The following DLGAP2 variants were observed in gnomAD, a reference collection of about 807,000 sequenced individuals.
The protein encoded by DLGAP2 is disks large-associated protein 2.
In DLGAP2, 26 loss-of-function variants were observed where a neutral mutation model predicts 100.3. The ratio of observed to expected loss-of-function variants is 0.26; its 90% CI spans 0.19 to 0.36. The LOEUF (loss-of-function observed/expected upper bound fraction) is 0.36, where lower values mean the gene tolerates loss of function less well. Among genes scored for constraint, DLGAP2 ranks in the 10% least tolerant of loss-of-function variants. The pLI, the probability that DLGAP2 is intolerant of heterozygous loss-of-function variation, is 1.00. For missense variants in DLGAP2, 1,858 were observed against 1,453.2 expected (o/e 1.28, Z -4.53); for synonymous variants, 886 against 630.1 (o/e 1.41, Z -6.08).
Position 1,706,032 on chromosome 8 carries a change from G to A in DLGAP2, c.*4626G>A, listed in dbSNP as rs1168751101. The stretch of plus-strand genomic sequence containing the variant: ...TCAGCTCAGAGCCCATGGCTTCCCT[G>A]CAGGAGCCCCATCTTGTCGCTATTA... On this transcript the variant is annotated 3_prime_UTR_variant, in exon 15 of 15. Transcript: ENST00000637795. The A allele has an allele frequency of 6.6e-6, 1 of 152,214 alleles. No individual in the cohort carries two copies. Among genetic ancestry groups the A allele is most frequent in the East Asian group, 1.9e-4 (1 of 5,188 alleles). 9.4% of individuals were successfully genotyped at this position (152,214 alleles called of 1,614,324 possible).
At chr8:1,191,892 G>A (rs1797648100) in intron 2 of DLGAP2, among the ~76,000 whole-genome samples, 2 of 152,142 alleles carry the variant, frequency 1.3e-5, no homozygotes, top group South Asian at 2.1e-4. Flanking sequence ...TGGTGCAGTT[G>A]GCCCCTCTGA....
At chr8:1,561,353 C>T (rs549323097) in intron 5 of DLGAP2, among the ~76,000 whole-genome samples, 1 of 152,226 alleles carries the variant, frequency 6.6e-6, no homozygotes, top group South Asian at 2.1e-4. Flanking sequence ...TCTTTGAACA[C>T]GTGCAGACCT....
At chr8:1,537,335 T>A (rs975992247) in intron 4 of DLGAP2, among the ~76,000 whole-genome samples, 7 of 152,160 alleles carry the variant, frequency 4.6e-5, no homozygotes, top group Non-Finnish European at 7.4e-5. Context: ...TGAGTGTGTG[T>A]TGGGGTGGAG....
intron 6 of DLGAP2, among the ~76,000 whole-genome samples, chr8:1,571,575 G>A (rs1802685223): frequency 2.2e-5 from 3 of 139,076 alleles, no homozygotes; most frequent in South Asian, 2.5e-4. Context: ...GAGATGGAGA[G>A]GGGAGAGGGG....
chr8:1,153,165 CA>C (rs1323067241), intron 2 of DLGAP2, among the ~76,000 whole-genome samples: 1 of 152,174 alleles, frequency 6.6e-6, no homozygotes, highest in Non-Finnish European at 1.5e-5. Flanking sequence ...CCTGACCCCT[CA>C]GTTTCCAGGC....
At chr8:1,457,705 T>C (rs1315578221) in intron 3 of DLGAP2, among the ~76,000 whole-genome samples, 3 of 152,008 alleles carry the variant, frequency 2.0e-5, no homozygotes, top group Non-Finnish European at 4.4e-5. Context: ...AAAGCATAAC[T>C]TCCTTCATGA....
At chr8:856,049 G>A (rs868209655) in intron 1 of DLGAP2, among the ~76,000 whole-genome samples, 9 of 151,964 alleles carry the variant, frequency 5.9e-5, no homozygotes, top group African/African-American at 2.2e-4. Flanking sequence ...CCCAGCTAAT[G>A]CAATAAGACA....
intron 8 of DLGAP2, among the ~76,000 whole-genome samples, chr8:1,638,245 G>T (rs931293912): frequency 1.1e-4 from 17 of 152,272 alleles, no homozygotes; most frequent in Non-Finnish European, 2.1e-4. Context: ...GTTTCAGACA[G>T]ACCCTTCGAA....
chr8:1,166,643 G>A (rs569006291), intron 2 of DLGAP2, among the ~76,000 whole-genome samples: 2 of 152,128 alleles, frequency 1.3e-5, no homozygotes, highest in African/African-American at 2.4e-5. Flanking sequence ...TGTCAATGCC[G>A]CATAAGCATG....
chr8:1,259,608 A>G (rs762791329), intron 3 of DLGAP2: 8 of 152,216 alleles, frequency 5.3e-5, no homozygotes, highest in Non-Finnish European at 8.8e-5. Context: ...GGAACTCGGG[A>G]CACAGCCAAC....
In DLGAP2 at chr8:1,664,648, G is replaced by A. The variant is rs538953454; in HGVS notation, c.1811-3681G>A. Among the ~76,000 whole-genome samples the A allele has an allele frequency of 6.6e-5, 10 of 152,312 alleles. No individual in the cohort carries two copies. In the South Asian group the frequency reaches 2.1e-3, roughly 32 times the overall value. ...TCAATGGTCTCTGGAAAACCCATAT[G>A]GTAACAGCAACCATATGGACATTCA... On this transcript the variant is annotated intron_variant, in intron 8 of 14. Coordinates refer to ENST00000637795, the MANE Select transcript of DLGAP2 (RefSeq NM_001346810.2).
chr8:1,462,933 A>G (rs755547561), intron 3 of DLGAP2, among the ~76,000 whole-genome samples: 23 of 152,166 alleles, frequency 1.5e-4, no homozygotes, highest in Non-Finnish European at 2.8e-4. Context: ...ATCCCATTCC[A>G]TGAGAAGTTG....
At chr8:927,875 A>C (rs937712089) in intron 2 of DLGAP2, among the ~76,000 whole-genome samples, 5 of 152,156 alleles carry the variant, frequency 3.3e-5, no homozygotes, top group Non-Finnish European at 2.9e-5. Flanking sequence ...AAACAAAAAA[A>C]CCCCACAAAG....
intron 2 of DLGAP2, among the ~76,000 whole-genome samples, chr8:972,210 C>G (rs1800031081): frequency 6.6e-6 from 1 of 152,198 alleles, no homozygotes. Flanking sequence ...TTTCATTTAT[C>G]TTAGTGCACT....
At chr8:1,077,371 G>A (rs1035060593) in intron 2 of DLGAP2, among the ~76,000 whole-genome samples, 2 of 152,156 alleles carry the variant, frequency 1.3e-5, no homozygotes, top group African/African-American at 4.8e-5. Flanking sequence ...CACTCAGCTC[G>A]TCACACGGCA....
intron 2 of DLGAP2, among the ~76,000 whole-genome samples, chr8:1,035,959 G>C (rs867051246): frequency 2.3e-3 from 134 of 57,718 alleles, no homozygotes; most frequent in African/African-American, 8.2e-3. Flanking sequence ...TGGGTTCACA[G>C]CCTCATCCCG....
chr8:936,057 A>G (rs1285644591), intron 2 of DLGAP2, among the ~76,000 whole-genome samples: 1 of 152,166 alleles, frequency 6.6e-6, no homozygotes, highest in African/African-American at 2.4e-5. Flanking sequence ...CCTGCTGGAA[A>G]TTAGCTCGCG....
intron 1 of DLGAP2, among the ~76,000 whole-genome samples, chr8:868,449 C>T (rs1274665387): frequency 3.3e-5 from 5 of 152,220 alleles, no homozygotes; most frequent in Non-Finnish European, 7.3e-5. Flanking sequence ...AAACATCTCG[C>T]TGTGAGAAGG....
rs112273361 is a variant in DLGAP2, at chr8:1,133,320, G to A, written c.74-125531G>A. On this transcript the variant is annotated intron_variant, in intron 2 of 14. Transcript: ENST00000637795. ...TCCAGTTCATTTCAACCTCTCTGCAGAAGATTATGATTAGAAAATCATCAA... is the reference window on the plus strand; with the variant it reads ...TCCAGTTCATTTCAACCTCTCTGCAAAAGATTATGATTAGAAAATCATCAA... 5.6e-3 allele frequency among the ~76,000 whole-genome samples: 859 copies of A among 152,224 alleles called. 9 individuals carry two copies. Among genetic ancestry groups the A allele is most frequent in the African/African-American group, 0.02 (815 of 41,532 alleles).
Sources: allele counts gnomAD v4.1 joint callset (sites outside exome capture counted in the v4.1 genomes callset), GRCh38; gene constraint gnomAD v4.1.1; transcripts MANE v1.5; gene names NCBI Gene and HGNC (gene_info 2026-07-23, HGNC 2026-07-21).